UGT1A8: variants seen among roughly 807,000 people sequenced by gnomAD.
The protein encoded by UGT1A8 is UDP-glucuronosyltransferase 1A8.
Under a neutral mutation model 45.3 loss-of-function variants are expected in UGT1A8, and 39 were observed. That is an observed-to-expected ratio of 0.86 (90% CI 0.67 to 1.12). The LOEUF (loss-of-function observed/expected upper bound fraction) is 1.12, where lower values mean the gene tolerates loss of function less well. Ranked by LOEUF, UGT1A8 falls within the 50% of genes most tolerant of loss-of-function variation. UGT1A8 has a pLI of 0.00. For missense variants in UGT1A8, 719 were observed against 664.9 expected, an observed-to-expected ratio of 1.08 and a Z score of -0.90; for synonymous variants, 275 against 249.2, an observed-to-expected ratio of 1.10 and a Z score of -0.97.
Position 233,704,355 on chromosome 2 carries a change from G to A in UGT1A8, c.856-62679G>A, listed in dbSNP as rs188640980. Reference sequence around the variant, plus strand: ...CTATTTAAAAAGTTGTGTTCTGAGCGGTTGTTCTAGGGCTTAGCACATCGA... The same window carrying A: ...CTATTTAAAAAGTTGTGTTCTGAGCAGTTGTTCTAGGGCTTAGCACATCGA... On this transcript the variant is annotated intron_variant, in intron 1 of 4. Coordinates refer to ENST00000373450, the MANE Select transcript of UGT1A8 (RefSeq NM_019076.5). Among the ~76,000 whole-genome samples, 17 of 150,272 alleles carry A rather than the reference G, an allele frequency of 1.1e-4. 1 individual carries two copies. Among genetic ancestry groups the A allele is most frequent in the Admixed American group, 4.6e-4 (7 of 15,102 alleles).
At chr2:233,682,158 T>A (rs754272342) in intron 1 of UGT1A8, 11 of 1,614,086 alleles carry the variant, frequency 6.8e-6, no homozygotes, top group Non-Finnish European at 9.3e-6. Context: ...AATTGCACAG[T>A]GAAGACTTAC....
At chr2:233,668,948 G>T (rs184928409) in intron 1 of UGT1A8, among the ~76,000 whole-genome samples, 38 of 152,296 alleles carry the variant, frequency 2.5e-4, no homozygotes, top group Admixed American at 9.2e-4. Flanking sequence ...AGCAATTCTG[G>T]TGAGGTATTC....
At chr2:233,682,556 G>A (rs2125523807) in intron 1 of UGT1A8, 4 of 1,613,932 alleles carry the variant, frequency 2.5e-6, no homozygotes, top group East Asian at 4.5e-5. Context: ...CAAGGAGAGA[G>A]TATGGAACCA....
At chr2:233,713,308 T>A in intron 1 of UGT1A8, 1 of 1,614,228 alleles carries the variant, frequency 6.2e-7, no homozygotes, top group Non-Finnish European at 8.5e-7. Flanking sequence ...ACAGAACATC[T>A]TCTGATGAAA....
chr2:233,768,143 G>A lies in UGT1A8; in HGVS notation c.1076-77G>A, dbSNP rs995477416. ...GTGAGTAACACTGAGTCTTTGGAGTGTTTTCAGAACCTAGATGTGTCCAGC... is the reference window on the plus strand; with the variant it reads ...GTGAGTAACACTGAGTCTTTGGAGTATTTTCAGAACCTAGATGTGTCCAGC... On this transcript the variant is annotated intron_variant, in intron 3 of 4. Coordinates refer to ENST00000373450, the MANE Select transcript of UGT1A8 (RefSeq NM_019076.5). 1.6e-5 allele frequency: 26 copies of A among 1,610,468 alleles called. No homozygotes were observed. In the African/African-American group the frequency reaches 3.5e-4, roughly 22 times the overall value.
chr2:233,765,884 C>T (rs1054179790), intron 1 of UGT1A8, among the ~76,000 whole-genome samples: 2 of 152,082 alleles, frequency 1.3e-5, no homozygotes, highest in African/African-American at 4.8e-5. Context: ...CTCACTTTCT[C>T]AGTGCGCCAC....
intron 1 of UGT1A8, among the ~76,000 whole-genome samples, chr2:233,724,340 A>G (rs1575552395): frequency 1.9e-5 from 2 of 104,210 alleles, no homozygotes; most frequent in Admixed American, 9.6e-5. Context: ...CGGGGGGCTG[A>G]CCCCCCCCAC....
rs28898583 is a variant in UGT1A8, at chr2:233,699,673, G to A, written c.856-67361G>A. ...CCTGAATACAGGCTGAAACTTTCTCGCTGAGAGGTGATAAAAACAATGAAT... is the reference window on the plus strand; with the variant it reads ...CCTGAATACAGGCTGAAACTTTCTCACTGAGAGGTGATAAAAACAATGAAT... On this transcript the variant is annotated intron_variant, in intron 1 of 4. Coordinates refer to ENST00000373450, the MANE Select transcript of UGT1A8 (RefSeq NM_019076.5). Among the ~76,000 whole-genome samples, 368 of 152,258 alleles carry A rather than the reference G, an allele frequency of 2.4e-3. 1 individual carries two copies. The highest frequency in any genetic ancestry group is 8.3e-3 in the African/African-American group (344 of 41,534).
chr2:233,745,245 C>T (rs931474657), intron 1 of UGT1A8, among the ~76,000 whole-genome samples: 3 of 151,778 alleles, frequency 2.0e-5, no homozygotes, highest in African/African-American at 7.3e-5. Flanking sequence ...TTTACTGTAT[C>T]GAAACCATTA....
At chr2:233,684,576 A>C (rs2074685717) in intron 1 of UGT1A8, among the ~76,000 whole-genome samples, 1 of 152,184 alleles carries the variant, frequency 6.6e-6, no homozygotes, top group South Asian at 2.1e-4. Flanking sequence ...AAAATATGAA[A>C]CATTGAGCCA....
chr2:233,724,260 C>T (rs1481062069), intron 1 of UGT1A8, among the ~76,000 whole-genome samples: 12 of 129,940 alleles, frequency 9.2e-5, no homozygotes, highest in East Asian at 4.9e-4. Context: ...CCTCACCTCC[C>T]GGACGGGGCG....
intron 1 of UGT1A8, among the ~76,000 whole-genome samples, chr2:233,757,535 A>AATATATATACATATATATATATATAT (rs376887521): frequency 5.7e-5 from 5 of 88,270 alleles, no homozygotes; most frequent in Admixed American, 1.1e-4. Flanking sequence ...GCCTGTAAGG[A>AATATATATACATATATATATATATAT]ATATATATAT....
At chr2:233,697,514 T>A (rs1185540245) in intron 1 of UGT1A8, among the ~76,000 whole-genome samples, 5 of 151,616 alleles carry the variant, frequency 3.3e-5, no homozygotes, top group African/African-American at 1.2e-4. Flanking sequence ...TTTTTTTTTT[T>A]TAAAAAACTT....
intron 1 of UGT1A8, among the ~76,000 whole-genome samples, chr2:233,652,449 G>C (rs140677971): frequency 9.7e-4 from 147 of 152,142 alleles, no homozygotes; most frequent in African/African-American, 3.4e-3. Context: ...AAATGCTGGA[G>C]ATATCATTCT....
At chr2:233,743,173 A>G (rs890417229) in intron 1 of UGT1A8, 7 of 365,612 alleles carry the variant, frequency 1.9e-5, no homozygotes, top group African/African-American at 1.5e-4. Flanking sequence ...GCTTAAAGTC[A>G]AATGTGGACT....
chr2:233,766,947 A>G (rs749614811), intron 1 of UGT1A8, 87 bp from the exon 2 acceptor site: 24 of 1,599,406 alleles, frequency 1.5e-5, no homozygotes, highest in Non-Finnish European at 2.0e-5. Context: ...TAGTCTTAAG[A>G]GGAAGATATC....
chr2:233,691,255 A>G (rs1259562187), intron 1 of UGT1A8: 7 of 985,578 alleles, frequency 7.1e-6, no homozygotes, highest in Non-Finnish European at 8.4e-6. Context: ...AACTCAAAGC[A>G]AGATGCTGCC....
At chr2:233,767,515 T>G (rs1699410322) in intron 2 of UGT1A8, among the ~76,000 whole-genome samples, 1 of 152,264 alleles carries the variant, frequency 6.6e-6, no homozygotes, top group Admixed American at 6.5e-5. Flanking sequence ...GTTAGAACAC[T>G]GAATTTATGT....
At chr2:233,718,197 C>CT (rs1159094218) in intron 1 of UGT1A8, among the ~76,000 whole-genome samples, 6 of 152,152 alleles carry the variant, frequency 3.9e-5, no homozygotes, top group East Asian at 1.9e-4. Flanking sequence ...CTCCCCGGAG[C>CT]TTTTTTTTAT....
Sources: allele counts gnomAD v4.1 joint callset (sites outside exome capture counted in the v4.1 genomes callset), GRCh38; gene constraint gnomAD v4.1.1; transcripts MANE v1.5; gene names NCBI Gene and HGNC (gene_info 2026-07-23, HGNC 2026-07-21).